SGK1: variants seen among roughly 807,000 people sequenced by gnomAD.
SGK1 encodes the protein serum/glucocorticoid regulated kinase 1, also known as serine/threonine-protein kinase Sgk1.
SGK1 carries 26 observed loss-of-function variants against 64.2 expected under a neutral mutation model. The observed-to-expected ratio is 0.40, with a 90% confidence interval of 0.30 to 0.56. The LOEUF is 0.56. SGK1 is among the 20% of genes least tolerant of loss of function. The pLI is 0.38. For synonymous variants in SGK1, 265 were observed against 239.7 expected (o/e 1.11, Z -0.98); for missense variants, 519 against 645.6 (o/e 0.80, Z 2.12).
intron 2 of SGK1, among the ~76,000 whole-genome samples, chr6:134,255,116 G>C (rs577590692): frequency 6.6e-6 from 1 of 152,230 alleles, no homozygotes; most frequent in African/African-American, 2.4e-5. Flanking sequence ...TGATCCACCT[G>C]CCTCGGCCTC....
intron 2 of SGK1, among the ~76,000 whole-genome samples, chr6:134,241,458 G>A (rs1776445474): frequency 6.6e-6 from 1 of 151,792 alleles, no homozygotes; most frequent in Non-Finnish European, 1.5e-5. Context: ...CAAAATGCTG[G>A]TGTGAACCAC....
intron 1 of SGK1, among the ~76,000 whole-genome samples, chr6:134,268,212 T>G (rs1776882736): frequency 1.3e-5 from 2 of 152,164 alleles, no homozygotes; most frequent in Non-Finnish European, 2.9e-5. Context: ...AGTAGCTGAC[T>G]GTGAGTGGCT....
rs556919935 is a variant in SGK1, at chr6:134,307,689, G to A, written c.69+9703C>T. 9.9e-5 allele frequency among the ~76,000 whole-genome samples: 15 copies of A among 152,206 alleles called. 1 individual carries two copies. The highest frequency in any genetic ancestry group is 1.6e-4 in the Non-Finnish European group (11 of 68,040). The stretch of plus-strand genomic sequence containing the variant: ...GAAAGGTATGTACGTGTTCAGTACA[G>A]ATGAAACCATCCTCTTTTTTTCCCA... On this transcript the variant is annotated intron_variant, in intron 1 of 13. Transcript: ENST00000367858.
At chr6:134,210,917 G>C (rs951469418) in intron 2 of SGK1, among the ~76,000 whole-genome samples, 3 of 151,880 alleles carry the variant, frequency 2.0e-5, no homozygotes, top group African/African-American at 7.3e-5. Context: ...CTGAGGTCAG[G>C]AGTTTGAGAC....
intron 2 of SGK1, among the ~76,000 whole-genome samples, chr6:134,219,145 G>A (rs1315028928): frequency 6.6e-6 from 1 of 152,014 alleles, no homozygotes; most frequent in Non-Finnish European, 1.5e-5. Flanking sequence ...ACCATGCCCA[G>A]CTAATTTTCT....
intron 2 of SGK1, among the ~76,000 whole-genome samples, chr6:134,223,472 A>G (rs1776123184): frequency 6.6e-6 from 1 of 152,112 alleles, no homozygotes; most frequent in South Asian, 2.1e-4. Context: ...AATGTTGTAA[A>G]TATCTCTCAT....
intron 1 of SGK1, among the ~76,000 whole-genome samples, chr6:134,307,265 A>C (rs1163594224): frequency 6.6e-6 from 1 of 152,222 alleles, no homozygotes; most frequent in East Asian, 1.9e-4. Context: ...ACTAATAGAC[A>C]AATAAATTAG....
At chr6:134,314,785 C>A (rs992506030) in intron 1 of SGK1, among the ~76,000 whole-genome samples, 4 of 143,002 alleles carry the variant, frequency 2.8e-5, no homozygotes, top group Non-Finnish European at 3.0e-5. Flanking sequence ...CCCTAATAGA[C>A]CCTATGGTTT....
chr6:134,268,552 C>G (rs542119942), intron 1 of SGK1, among the ~76,000 whole-genome samples: 2 of 148,360 alleles, frequency 1.3e-5, no homozygotes, highest in East Asian at 4.8e-4. Context: ...GAAACCCCGT[C>G]TCTACTAAAA....
In SGK1 at chr6:134,173,500, G is replaced by C; in HGVS notation, c.580C>G (p.His194Asp). ...CCCTTTCCGATCACTTTCAAGAAGT[G>C]AAAGTCAGATGGTTTAGCATGAGGA... ...SNPHAKPSDFHFLKVIGKGSF... is the reference protein window; with the variant it reads ...SNPHAKPSDFDFLKVIGKGSF... The change falls in exon 6 of 14, where the codon CAC (histidine) becomes GAC (aspartate). Residue 194 changes from histidine (H) to aspartate (D), a missense_variant. By Grantham distance (81) the His-to-Asp change is moderately conservative. Transcript: ENST00000367858. 1 of 1,613,196 alleles carries C rather than the reference G, an allele frequency of 6.2e-7. No individual in the cohort carries two copies.
At chr6:134,309,883 A>C (rs1258801560) in intron 1 of SGK1, among the ~76,000 whole-genome samples, 3 of 152,220 alleles carry the variant, frequency 2.0e-5, no homozygotes, top group Non-Finnish European at 4.4e-5. Context: ...TTCTAAAAAA[A>C]ATTAACTAGT....
intron 1 of SGK1, among the ~76,000 whole-genome samples, chr6:134,281,806 C>T (rs1263955788): frequency 1.3e-5 from 2 of 152,106 alleles, no homozygotes; most frequent in Non-Finnish European, 2.9e-5. Flanking sequence ...AAGCCTGGTC[C>T]AATTCTGATA....
chr6:134,206,348 T>C (rs1775770218), intron 3 of SGK1, among the ~76,000 whole-genome samples: 1 of 10,942 alleles, frequency 9.1e-5, no homozygotes, highest in African/African-American at 2.6e-4. Context: ...GATATATATA[T>C]ATATATATAT....
At chr6:134,172,596 A>C in intron 9 of SGK1, 66 bp downstream of exon 9, 1 of 1,067,778 alleles carries the variant, frequency 9.4e-7, no homozygotes, top group Admixed American at 2.1e-5. Flanking sequence ...TTAAGGCCCT[A>C]TGAAACAGCC....
chr6:134,204,828 G>C (rs918833800), intron 3 of SGK1, among the ~76,000 whole-genome samples: 1 of 151,994 alleles, frequency 6.6e-6, no homozygotes, highest in East Asian at 1.9e-4. Flanking sequence ...TGCTGGGATT[G>C]CAGGCATGAG....
At position 134,205,403 on chromosome 6, in the gene SGK1, T is replaced by A. The variant is rs1257925191; in HGVS notation, c.361+1953A>T. 2.6e-5 allele frequency among the ~76,000 whole-genome samples: 4 copies of A among 152,116 alleles called. No individual in the cohort carries two copies. In the South Asian group the frequency reaches 8.3e-4, roughly 32 times the overall value. ...ATTTTTTGACAGATGAAATTGATAA[T>A]GTTTAGACCGTAAGTCTGGTCTTTG... On this transcript the variant is annotated intron_variant, in intron 3 of 13. Transcript: ENST00000367858.
intron 1 of SGK1, among the ~76,000 whole-genome samples, chr6:134,295,439 C>T (rs781265394): frequency 6.6e-6 from 1 of 152,204 alleles, no homozygotes. Context: ...TGTGGTGGCT[C>T]AAACCTGTAA....
At chr6:134,223,468 G>C (rs190845420) in intron 2 of SGK1, among the ~76,000 whole-genome samples, 273 of 152,112 alleles carry the variant, frequency 1.8e-3, no homozygotes, top group Non-Finnish European at 7.9e-4. Context: ...GAGAAATGTT[G>C]TAAATATCTC....
chr6:134,303,463 C>T (rs555894680), intron 1 of SGK1, among the ~76,000 whole-genome samples: 1 of 150,560 alleles, frequency 6.6e-6, no homozygotes, highest in African/African-American at 2.4e-5. Context: ...TTACCATGCT[C>T]GGAAACAATT....
Sources: allele counts gnomAD v4.1 joint callset (sites outside exome capture counted in the v4.1 genomes callset), GRCh38; gene constraint gnomAD v4.1.1; transcripts MANE v1.5; gene names NCBI Gene and HGNC (gene_info 2026-07-23, HGNC 2026-07-21).